The following FHIT variants were observed in gnomAD, a reference collection of about 807,000 sequenced individuals.
The protein encoded by FHIT is bis(5'-adenosyl)-triphosphatase.
In FHIT, 19 loss-of-function variants were observed where a neutral mutation model predicts 17.9. The ratio of observed to expected loss-of-function variants is 1.06; its 90% CI spans 0.74 to 1.56. The LOEUF is 1.56. Ranked by LOEUF, FHIT falls within the 40% of genes most tolerant of loss-of-function variation. The pLI, the probability that FHIT is intolerant of heterozygous loss-of-function variation, is 0.00. For synonymous variants in FHIT, 81 were observed against 69.7 expected (o/e 1.16, Z -0.81); for missense variants, 248 against 189.2 (o/e 1.31, Z -1.82).
chr3:60,985,364 T>A (rs1044191856), intron 3 of FHIT, among the ~76,000 whole-genome samples: 5 of 152,140 alleles, frequency 3.3e-5, no homozygotes, highest in Non-Finnish European at 7.4e-5. Flanking sequence ...TTGTTTTGTC[T>A]CTCCAGCAAG....
chr3:60,312,926 C>T (rs779272246), intron 5 of FHIT, among the ~76,000 whole-genome samples: 29 of 152,124 alleles, frequency 1.9e-4, no homozygotes, highest in Non-Finnish European at 3.5e-4. Flanking sequence ...GTAATAAGAG[C>T]GCTGGTATTT....
chr3:60,158,292 G>C (rs1700791744), intron 5 of FHIT, among the ~76,000 whole-genome samples: 1 of 151,556 alleles, frequency 6.6e-6, no homozygotes, highest in Non-Finnish European at 1.5e-5. Flanking sequence ...GATAAAGTAA[G>C]ACAAAACAAG....
At position 59,969,301 on chromosome 3, in the gene FHIT, A is replaced by G. The variant is rs527597295; in HGVS notation, c.279+42070T>C. 2.6e-5 allele frequency among the ~76,000 whole-genome samples: 4 copies of G among 152,250 alleles called. No individual in the cohort carries two copies. In the East Asian group the frequency reaches 7.7e-4, roughly 29 times the overall value. On this transcript the variant is annotated intron_variant, in intron 7 of 9. Coordinates refer to ENST00000492590, the MANE Select transcript of FHIT (RefSeq NM_002012.4). ...TTAATCACATTCTAAGCAATTGTTC[A>G]GTTTCCTTCATTTGTATGTGGTTGC...
At position 60,700,080 on chromosome 3, in the gene FHIT, A is replaced by G. The variant is rs143574231; in HGVS notation, c.-18+121839T>C. The stretch of plus-strand genomic sequence containing the variant: ...CGGGAGGCAGAGGTTGCCATGAGCC[A>G]AGATCACGCCACTGCACTCCAGCCT... On this transcript the variant is annotated intron_variant, in intron 4 of 9. Coordinates refer to ENST00000492590, the MANE Select transcript of FHIT (RefSeq NM_002012.4). 6.1e-3 allele frequency among the ~76,000 whole-genome samples: 919 copies of G among 151,588 alleles called. 8 individuals are homozygous for G. Among genetic ancestry groups the G allele is most frequent in the African/African-American group, 0.02 (817 of 41,278 alleles).
intron 7 of FHIT, among the ~76,000 whole-genome samples, chr3:59,994,988 T>C (rs1411185584): frequency 6.6e-6 from 1 of 152,018 alleles, no homozygotes. Context: ...GTGGGGATTG[T>C]TGTGGGTACG....
chr3:60,110,070 C>G (rs1704603540), intron 5 of FHIT, among the ~76,000 whole-genome samples: 1 of 152,108 alleles, frequency 6.6e-6, no homozygotes, highest in South Asian at 2.1e-4. Context: ...AATGTTATGG[C>G]TATAAAGGAA....
At chr3:60,604,853 G>C (rs531935763) in intron 4 of FHIT, among the ~76,000 whole-genome samples, 8 of 152,212 alleles carry the variant, frequency 5.3e-5, no homozygotes, top group African/African-American at 1.7e-4. Context: ...CAACCCTATA[G>C]ATTCCATTCT....
At chr3:60,862,603 A>G (rs1243670501) in intron 3 of FHIT, among the ~76,000 whole-genome samples, 1 of 152,010 alleles carries the variant, frequency 6.6e-6, no homozygotes, top group African/African-American at 2.4e-5. Flanking sequence ...TAATACCAGC[A>G]CTTTGGGAGG....
At chr3:60,600,419 A>C (rs1251385883) in intron 4 of FHIT, among the ~76,000 whole-genome samples, 1 of 152,190 alleles carries the variant, frequency 6.6e-6, no homozygotes, top group Non-Finnish European at 1.5e-5. Context: ...GCAGGATTAC[A>C]GAATCACACT....
intron 4 of FHIT, among the ~76,000 whole-genome samples, chr3:60,600,897 C>T (rs77915404): frequency 0.011 from 1,730 of 152,256 alleles, 42 homozygotes; most frequent in African/African-American, 0.04. Flanking sequence ...CTCTCATGAG[C>T]GGATGCAACA....
At chr3:60,046,760 T>C (rs997308257) in intron 5 of FHIT, among the ~76,000 whole-genome samples, 1 of 152,226 alleles carries the variant, frequency 6.6e-6, no homozygotes, top group African/African-American at 2.4e-5. Flanking sequence ...AGCATTTTTT[T>C]AAATCAGAGA....
At chr3:59,951,057 C>A (rs1199969651) in intron 7 of FHIT, among the ~76,000 whole-genome samples, 1 of 152,204 alleles carries the variant, frequency 6.6e-6, no homozygotes, top group Non-Finnish European at 1.5e-5. Context: ...GATACTAGTT[C>A]ATTCACTTCC....
chr3:59,912,233 C>T (rs1484056508), intron 8 of FHIT, among the ~76,000 whole-genome samples: 2 of 152,212 alleles, frequency 1.3e-5, no homozygotes, highest in African/African-American at 4.8e-5. Flanking sequence ...TGTTTCCAGC[C>T]TCTTTCAAGG....
chr3:61,101,892 G>T (rs1257551432), intron 2 of FHIT, among the ~76,000 whole-genome samples: 1 of 152,032 alleles, frequency 6.6e-6, no homozygotes, highest in Non-Finnish European at 1.5e-5. Flanking sequence ...TGTGATTTTT[G>T]CGCATTGATT....
At chr3:61,036,100 T>C (rs2033225232) in intron 3 of FHIT, among the ~76,000 whole-genome samples, 1 of 152,196 alleles carries the variant, frequency 6.6e-6, no homozygotes, top group African/African-American at 2.4e-5. Flanking sequence ...TGTACGAGCA[T>C]GGCACTGGCA....
In FHIT at chr3:60,013,959, G is replaced by T. The variant is rs769537996; in HGVS notation, c.249+48C>A. 4.4e-6 allele frequency: 7 copies of T among 1,586,636 alleles called. No homozygotes were observed. The Admixed American group carries it at 1.2e-4, about 27-fold the overall frequency. On this transcript the variant is annotated intron_variant, in intron 6 of 9. Transcript: ENST00000492590. ...ATCAGGAGGAGCAAGCCCAATGCCG[G>T]GATATGAAAGGGAAGAAAAATCATT...
chr3:59,873,675 G>T (rs1302634503), intron 8 of FHIT, among the ~76,000 whole-genome samples: 1 of 152,264 alleles, frequency 6.6e-6, no homozygotes, highest in East Asian at 1.9e-4. Context: ...CCCCACTCAA[G>T]TTGGGACAAG....
intron 4 of FHIT, among the ~76,000 whole-genome samples, chr3:60,583,043 G>A (rs574635887): frequency 3.9e-4 from 59 of 151,812 alleles, no homozygotes; most frequent in African/African-American, 9.4e-4. Context: ...GTCCCTATGC[G>A]TAAGACAAGC....
chr3:60,628,313 T>C (rs961407606), intron 4 of FHIT, among the ~76,000 whole-genome samples: 2 of 152,234 alleles, frequency 1.3e-5, no homozygotes, highest in Non-Finnish European at 2.9e-5. Context: ...ATATACTTTA[T>C]ATGATTTCAA....
Sources: gnomAD v4.1 joint callset for allele counts (sites outside exome capture counted in the v4.1 genomes callset) on GRCh38, gnomAD v4.1.1 for gene constraint, MANE v1.5 for transcripts, NCBI Gene and HGNC (gene_info 2026-07-23, HGNC 2026-07-21) for gene names.